Variants in ZNF395 observed in about 807,000 individuals in gnomAD.
ZNF395 encodes the protein HD gene regulatory region-binding protein 2.
In ZNF395, 20 loss-of-function variants were observed where a neutral mutation model predicts 57.7. The ratio of observed to expected loss-of-function variants is 0.35; its 90% CI spans 0.24 to 0.50. The LOEUF is 0.50. Ranked by LOEUF, ZNF395 falls within the 20% of genes least tolerant of loss-of-function variation. The pLI, the probability that ZNF395 is intolerant of heterozygous loss-of-function variation, is 0.97. For missense variants in ZNF395, 606 were observed against 671.2 expected (o/e 0.90, Z 1.07); for synonymous variants, 295 against 275.9 (o/e 1.07, Z -0.69).
intron 1 of ZNF395, among the ~76,000 whole-genome samples, chr8:28,377,723 G>A (rs373476863): frequency 3.4e-5 from 5 of 146,296 alleles, no homozygotes; most frequent in South Asian, 2.2e-4. Flanking sequence ...TCATCATCCC[G>A]AATAGAAGTG....
In ZNF395 at chr8:28,348,794, C is replaced by T. The variant is rs149515412; in HGVS notation, c.1467G>A (p.Val489=). The T allele has an allele frequency of 8.1e-6, 13 of 1,614,012 alleles. No homozygotes were observed. Among genetic ancestry groups the T allele is most frequent in the Middle Eastern group, 1.6e-4 (1 of 6,084 alleles). The part of the protein sequence containing the change: ...ARGEAKKCRK[V]YGIEHRDQWC... Reference sequence around the variant, plus strand: ...ACTGGTCCCGGTGCTCGATGCCATACACCTTGCGGCACTTCTTAGCCTCCC... The same window carrying T: ...ACTGGTCCCGGTGCTCGATGCCATATACCTTGCGGCACTTCTTAGCCTCCC... Residue 489 remains valine, a synonymous_variant, in exon 10 of 10, where the codon GTG becomes GTA. Coordinates refer to ENST00000344423, the MANE Select transcript of ZNF395 (RefSeq NM_018660.3).
chr8:28,376,484 G>A (rs1479475843), intron 1 of ZNF395, among the ~76,000 whole-genome samples: 2 of 152,106 alleles, frequency 1.3e-5, no homozygotes, highest in Non-Finnish European at 2.9e-5. Context: ...GCTGGGCATG[G>A]TGGCGGGAGC....
Position 28,348,399 on chromosome 8 carries a change from A to C in ZNF395, c.*320T>G. The C allele has an allele frequency of 3.0e-6, 1 of 331,312 alleles. No homozygotes were observed. The highest frequency in any genetic ancestry group is 2.6e-5 in the South Asian group (1 of 38,218). The allele number at this position is 331,312 out of a possible 1,614,324, so 20.5% of individuals were successfully genotyped here. On this transcript the variant is annotated 3_prime_UTR_variant, in exon 10 of 10. Coordinates refer to ENST00000344423, the MANE Select transcript of ZNF395 (RefSeq NM_018660.3). ...GCTGTTCCTTCTTTTGACACGCACA[A>C]GCTAATCCCCTAGAGAGTGGGGATG...
intron 7 of ZNF395, among the ~76,000 whole-genome samples, chr8:28,350,733 C>G (rs1049313103): frequency 6.6e-6 from 1 of 152,374 alleles, no homozygotes; most frequent in South Asian, 2.1e-4. Context: ...AGCTTTCTCA[C>G]TGAAAGCAAT....
chr8:28,365,310 C>T (rs1274012689), intron 1 of ZNF395: 1 of 152,238 alleles, frequency 6.6e-6, no homozygotes, highest in East Asian at 1.9e-4. Flanking sequence ...CTTTTCAGGA[C>T]CTCCTGCTGC....
chr8:28,383,918 A>G (rs189843709), intron 1 of ZNF395, among the ~76,000 whole-genome samples: 1 of 152,112 alleles, frequency 6.6e-6, no homozygotes, highest in East Asian at 1.9e-4. Context: ...CACATTTCCG[A>G]TTTCTCAAGT....
At chr8:28,349,252 G>T (rs764357145) in intron 8 of ZNF395, 24 bp from the exon 9 acceptor site, 1 of 1,507,158 alleles carries the variant, frequency 6.6e-7, no homozygotes, top group Non-Finnish European at 8.9e-7. Context: ...GAGGGGCTGT[G>T]AGCACAGGGA....
chr8:28,348,734 C>T lies in ZNF395; in HGVS notation c.1527G>A (p.Gln509=). ...CTACRWKKAC[Q]RFLD ...GCAGCACAGCTCAGTCCAGAAAGCG[C>T]TGGCAGGCCTTCTTCCACCGGCAGG... is the stretch of plus-strand genomic sequence containing the variant. Residue 509 remains glutamine, a synonymous_variant, in exon 10 of 10, where the codon CAG becomes CAA. Transcript: ENST00000344423. 6.2e-7 allele frequency: 1 copy of T among 1,614,050 alleles called. No homozygotes were observed. Among genetic ancestry groups the T allele is most frequent in the Non-Finnish European group, 8.5e-7 (1 of 1,179,990 alleles).
chr8:28,362,284 TGGCAGAAGGGGACGA>T (rs1801859809), intron 1 of ZNF395, among the ~76,000 whole-genome samples: 1 of 152,154 alleles, frequency 6.6e-6, no homozygotes, highest in Admixed American at 6.5e-5. Context: ...CTGACCCGGC[TGGCAGAAGGGGACGA>T]GTCAGACCCA....
chr8:28,359,662 G>A lies in ZNF395; in HGVS notation c.403C>T (p.Pro135Ser), dbSNP rs765387934. 58 of 1,613,920 alleles carry A rather than the reference G, an allele frequency of 3.6e-5. 1 individual carries two copies. In the Middle Eastern group the frequency reaches 5.9e-3, roughly 165 times the overall value. Residue 135 changes from proline (P) to serine (S), a missense_variant, in exon 3 of 10, where the codon CCA becomes TCA. By Grantham distance (74) the Pro-to-Ser change is moderately conservative (BLOSUM62 -1). This residue lies in a region of ZNF395 where 309 missense variants were observed against 374.7 expected (regional missense o/e 0.82). Transcript: ENST00000344423. This position sits in a 1 kb window ranked among gnomAD's most constrained non-coding sequence, Gnocchi z 4.7. ...AELQGPCPQA[P>S]PLEPGAQALA... Reference sequence around the variant, plus strand: ...GCCTGGGCTCCGGGCTCCAGGGGTGGTGCCTGGGGACAGGGGCCCTGCAGC... The same window carrying A: ...GCCTGGGCTCCGGGCTCCAGGGGTGATGCCTGGGGACAGGGGCCCTGCAGC...
At chr8:28,375,455 T>C (rs1198366235) in intron 1 of ZNF395, 1 of 151,920 alleles carries the variant, frequency 6.6e-6, no homozygotes, top group Non-Finnish European at 1.5e-5. Context: ...AACTAACTTA[T>C]GGCAATAGAA....
chr8:28,363,473 G>A (rs956688670), intron 1 of ZNF395, among the ~76,000 whole-genome samples: 7 of 152,004 alleles, frequency 4.6e-5, no homozygotes, highest in Admixed American at 6.6e-5. Flanking sequence ...ACATACCTTC[G>A]TCTTTGGAGC....
chr8:28,381,686 C>A (rs958830378), intron 1 of ZNF395, among the ~76,000 whole-genome samples: 2 of 152,074 alleles, frequency 1.3e-5, no homozygotes, highest in African/African-American at 4.8e-5. Flanking sequence ...TGGATCAATA[C>A]CAGGCTCCTG....
At position 28,353,428 on chromosome 8, in the gene ZNF395, A is replaced by G. The variant is rs1453983772; in HGVS notation, c.584-20T>C. The G allele has an allele frequency of 2.7e-6, 4 of 1,489,214 alleles. 1 individual carries two copies. Among genetic ancestry groups the G allele is most frequent in the Middle Eastern group, 3.7e-4 (2 of 5,334 alleles). 92.3% of individuals were successfully genotyped at this position (1,489,214 alleles called of 1,614,324 possible). ...GGGAAGCTGGCCAGATGAAGAAAAG[A>G]TGAGAGGACGCTCACGGGCGTGTCC... On this transcript the variant is annotated intron_variant, in intron 4 of 9. Transcript: ENST00000344423.
chr8:28,354,338 T>A (rs1162930451), intron 4 of ZNF395, among the ~76,000 whole-genome samples: 1 of 152,152 alleles, frequency 6.6e-6, no homozygotes, highest in Non-Finnish European at 1.5e-5. Context: ...GAATCTGAAA[T>A]TCTGATATGT....
At chr8:28,368,095 A>C (rs1801933701) in intron 1 of ZNF395, among the ~76,000 whole-genome samples, 1 of 152,072 alleles carries the variant, frequency 6.6e-6, no homozygotes, top group African/African-American at 2.4e-5. Context: ...CCTGATTTAA[A>C]CTGTTCTCAA....
chr8:28,359,657 G>T lies in ZNF395; in HGVS notation c.408C>A (p.Pro136=). ...ELQGPCPQAP[P]LEPGAQALAY... ...CCAGGGCCTGGGCTCCGGGCTCCAGGGGTGGTGCCTGGGGACAGGGGCCCT... is the reference window on the plus strand; with the variant it reads ...CCAGGGCCTGGGCTCCGGGCTCCAGTGGTGGTGCCTGGGGACAGGGGCCCT... The change falls in exon 3 of 10, where the codon CCC becomes CCA. Residue 136 remains proline, a synonymous_variant. Transcript: ENST00000344423. The surrounding 1 kb of genome is among the most constrained non-coding windows in gnomAD (Gnocchi z 4.7). 6.2e-7 allele frequency: 1 copy of T among 1,613,812 alleles called. No individual in the cohort carries two copies. The highest frequency in any genetic ancestry group is 8.5e-7 in the Non-Finnish European group (1 of 1,179,884).
chr8:28,379,115 T>A (rs1351780459), intron 1 of ZNF395, among the ~76,000 whole-genome samples: 1 of 152,218 alleles, frequency 6.6e-6, no homozygotes, highest in African/African-American at 2.4e-5. Context: ...CGTCTCCTCC[T>A]TCCTATGTCT....
chr8:28,358,528 T>C (rs978861024), intron 3 of ZNF395, among the ~76,000 whole-genome samples: 2 of 151,584 alleles, frequency 1.3e-5, no homozygotes, highest in African/African-American at 2.4e-5. Context: ...CTCAACCACC[T>C]GGACTCCAGC....
Sources: gnomAD v4.1 joint callset for allele counts (sites outside exome capture counted in the v4.1 genomes callset) on GRCh38, gnomAD v4.1.1 for gene constraint, gnomAD v4.1.1 regional missense constraint, Gnocchi (gnomAD v3.1) non-coding constraint, MANE v1.5 for transcripts, NCBI Gene and HGNC (gene_info 2026-07-23, HGNC 2026-07-21) for gene names.